NXPE2: variants seen among roughly 807,000 people sequenced by gnomAD.
NXPE2 encodes NXPE family member 2.
Under a neutral mutation model 34.4 loss-of-function variants are expected in NXPE2, and 34 were observed. That is an observed-to-expected ratio of 0.99 (90% CI 0.75 to 1.31). The LOEUF (loss-of-function observed/expected upper bound fraction) is 1.31. Among genes scored for constraint, NXPE2 ranks in the 40% most tolerant of loss-of-function variants. The pLI is 0.00. For synonymous variants in NXPE2, 235 were observed against 231.3 expected (o/e 1.02, Z -0.15); for missense variants, 649 against 672.5 (o/e 0.97, Z 0.39).
the NXPE2 span, among the ~76,000 whole-genome samples, chr11:114,672,839 T>C: frequency 6.6e-6 from 1 of 151,494 alleles, no homozygotes; most frequent in Non-Finnish European, 1.5e-5. Flanking sequence ...AAAAAAGAAA[T>C]AGACAATTCA....
chr11:114,748,854 TATTG>T, the NXPE2 span, among the ~76,000 whole-genome samples: 280 of 152,360 alleles, frequency 1.8e-3, 1 homozygote, highest in African/African-American at 6.0e-3. Flanking sequence ...TCAATTTATT[TATTG>T]ATTAATTTGT....
At chr11:114,730,260 T>C in the NXPE2 span, among the ~76,000 whole-genome samples, 1 of 152,156 alleles carries the variant, frequency 6.6e-6, no homozygotes, top group Non-Finnish European at 1.5e-5. Context: ...TATTGGCCTA[T>C]GTGTTCATTT....
At chr11:114,686,189 T>C (rs1267558250) in intron 2 of NXPE2, among the ~76,000 whole-genome samples, 1 of 152,106 alleles carries the variant, frequency 6.6e-6, no homozygotes, top group Non-Finnish European at 1.5e-5. Flanking sequence ...TGCATGATGA[T>C]GTGGTTTGGG....
the NXPE2 span, among the ~76,000 whole-genome samples, chr11:114,552,290 C>A: frequency 6.6e-6 from 1 of 152,006 alleles, no homozygotes; most frequent in African/African-American, 2.4e-5. Flanking sequence ...GTGTTGAGAC[C>A]AAATGAATGA....
In NXPE2 at chr11:114,706,003, A is replaced by T. The variant is rs1244967188; in HGVS notation, c.1144+7A>T. On this transcript the variant is annotated splice_region_variant and intron_variant, in intron 5 of 5. Transcript: ENST00000389586. Reference sequence around the variant, plus strand: ...TTACAAAAAGCTGTGAAAAGTATGTATTTAATTTATATTTTGAAATTCTAT... The same window carrying T: ...TTACAAAAAGCTGTGAAAAGTATGTTTTTAATTTATATTTTGAAATTCTAT... 9.7e-6 allele frequency: 12 copies of T among 1,233,954 alleles called. No individual in the cohort carries two copies. In the Admixed American group the frequency reaches 4.2e-4, roughly 43 times the overall value. The allele number at this position is 1,233,954 out of a possible 1,614,324, so 76.4% of individuals were successfully genotyped here. A position where few individuals can be genotyped will look rare whatever the true frequency, so the allele number is the denominator to read the frequency against.
the NXPE2 span, among the ~76,000 whole-genome samples, chr11:114,492,015 C>T: frequency 7.3e-5 from 11 of 151,634 alleles, no homozygotes; most frequent in South Asian, 6.3e-4. Context: ...GTTGTGTGGT[C>T]GGGGGAGGGG....
the NXPE2 span, among the ~76,000 whole-genome samples, chr11:114,568,925 T>C: frequency 6.6e-6 from 1 of 152,296 alleles, no homozygotes; most frequent in African/African-American, 2.4e-5. Context: ...ATTTGTCTTT[T>C]TGATGACTAT....
chr11:114,581,646 G>T, the NXPE2 span: 2 of 1,201,390 alleles, frequency 1.7e-6, no homozygotes, highest in East Asian at 2.4e-5. Flanking sequence ...CTGAAACAGT[G>T]AACAAATCCA....
chr11:114,811,981 C>A, the NXPE2 span, among the ~76,000 whole-genome samples: 2 of 152,108 alleles, frequency 1.3e-5, no homozygotes, highest in African/African-American at 4.8e-5. Context: ...TGGCACATAG[C>A]AGACACTCAA....
At chr11:114,504,295 CAG>C in the NXPE2 span, among the ~76,000 whole-genome samples, 47 of 152,224 alleles carry the variant, frequency 3.1e-4, 1 homozygote, top group East Asian at 7.7e-4. Flanking sequence ...GTACTGAAAA[CAG>C]GGGATCCTCC....
the NXPE2 span, among the ~76,000 whole-genome samples, chr11:114,667,408 A>G: frequency 2.6e-5 from 4 of 152,112 alleles, no homozygotes; most frequent in Non-Finnish European, 4.4e-5. Context: ...TCAGTTAGAG[A>G]TTATCCATTA....
At chr11:114,796,234 T>C in the NXPE2 span, among the ~76,000 whole-genome samples, 1 of 152,222 alleles carries the variant, frequency 6.6e-6, no homozygotes, top group African/African-American at 2.4e-5. Context: ...TACACTGATA[T>C]ATTGCATAAT....
At chr11:114,745,910 G>A in the NXPE2 span, among the ~76,000 whole-genome samples, 3 of 151,862 alleles carry the variant, frequency 2.0e-5, no homozygotes, top group Non-Finnish European at 4.4e-5. Flanking sequence ...TATTATGCCT[G>A]CATTTTAATA....
At chr11:114,568,893 A>G in the NXPE2 span, among the ~76,000 whole-genome samples, 1 of 152,124 alleles carries the variant, frequency 6.6e-6, no homozygotes, top group Non-Finnish European at 1.5e-5. Flanking sequence ...TAGAATATAA[A>G]ATCTTTGATG....
the NXPE2 span, among the ~76,000 whole-genome samples, chr11:114,805,239 G>T: frequency 5.0e-4 from 76 of 151,070 alleles, no homozygotes; most frequent in Non-Finnish European, 6.6e-4. Context: ...GAACAGCTCT[G>T]GTCTACAGCT....
At chr11:114,650,283 A>T in the NXPE2 span, among the ~76,000 whole-genome samples, 2 of 152,208 alleles carry the variant, frequency 1.3e-5, no homozygotes, top group African/African-American at 4.8e-5. Context: ...CAAGAATAAA[A>T]ATGAATTGTT....
the NXPE2 span, among the ~76,000 whole-genome samples, chr11:114,550,184 T>G: frequency 6.6e-6 from 1 of 152,152 alleles, no homozygotes; most frequent in Non-Finnish European, 1.5e-5. Flanking sequence ...AACAATGTCC[T>G]AAATATCTTC....
chr11:114,807,198 A>C, the NXPE2 span, among the ~76,000 whole-genome samples: 1 of 150,378 alleles, frequency 6.6e-6, no homozygotes, highest in African/African-American at 2.4e-5. Context: ...GAAGCACTAA[A>C]CATGGAAAGG....
At position 114,706,606 on chromosome 11, in the gene NXPE2, A is replaced by G; in HGVS notation, c.1356A>G (p.Gln452=). ...CAGCCATTGTCATTACCCTCGGCCAACACTTCAGACCCTTTCCCATCAACA... is the reference window on the plus strand; with the variant it reads ...CAGCCATTGTCATTACCCTCGGCCAGCACTTCAGACCCTTTCCCATCAACA... ...KNTAIVITLG[Q]HFRPFPINIF... is the part of the protein sequence containing the mutation. The change falls in exon 6 of 6, where the codon CAA becomes CAG. Residue 452 remains glutamine, a synonymous_variant. Transcript: ENST00000389586. 6.4e-7 allele frequency: 1 copy of G among 1,551,838 alleles called. No homozygotes were observed. Among genetic ancestry groups the G allele is most frequent in the Non-Finnish European group, 8.7e-7 (1 of 1,146,958 alleles).
Sources: gnomAD v4.1 joint callset for allele counts (sites outside exome capture counted in the v4.1 genomes callset) on GRCh38, gnomAD v4.1.1 for gene constraint, MANE v1.5 for transcripts, NCBI Gene and HGNC (gene_info 2026-07-23, HGNC 2026-07-21) for gene names.